Variants in ERC2 observed in about 807,000 individuals in gnomAD.
The protein encoded by ERC2 is ELKS/RAB6-interacting/CAST family member 2.
ERC2 carries 42 observed loss-of-function variants against 114.8 expected under a neutral mutation model. The ratio of observed to expected loss-of-function variants is 0.37; its 90% CI spans 0.29 to 0.47. The LOEUF (loss-of-function observed/expected upper bound fraction) is 0.47. Among genes scored for constraint, ERC2 ranks in the 20% least tolerant of loss-of-function variants. ERC2 has a pLI of 0.99. For synonymous variants in ERC2, 454 were observed against 425.5 expected (o/e 1.07, Z -0.82); for missense variants, 939 against 1,150.7 (o/e 0.82, Z 2.66).
intron 17 of ERC2, among the ~76,000 whole-genome samples, chr3:55,529,056 T>C (rs575317309): frequency 1.2e-4 from 19 of 152,282 alleles, no homozygotes; most frequent in Non-Finnish European, 2.8e-4. Flanking sequence ...ACCTTTGAAG[T>C]TGATAGGGTT....
rs1462949863 is a variant in ERC2 at position 56,018,875 on chromosome 3, T to C, written c.1779+19A>G. 1.6e-5 allele frequency: 26 copies of C among 1,604,996 alleles called. No individual in the cohort carries two copies. In the Admixed American group the frequency reaches 3.2e-4, roughly 20 times the overall value. On this transcript the variant is annotated intron_variant, in intron 8 of 17. Coordinates refer to ENST00000288221, the MANE Select transcript of ERC2 (RefSeq NM_015576.3). ...GTTTCCCCATATCCTGATTCCCCAG[T>C]TTTTGAGTGCATGCTCACCTTCTCT...
intron 13 of ERC2, among the ~76,000 whole-genome samples, chr3:55,905,419 A>C (rs1393149689): frequency 1.3e-5 from 2 of 151,282 alleles, no homozygotes; most frequent in Non-Finnish European, 2.9e-5. Flanking sequence ...AGTTTGGAGT[A>C]GTGGTGGTGG....
At chr3:56,285,855 T>A (rs1444192163) in intron 3 of ERC2, among the ~76,000 whole-genome samples, 2 of 152,166 alleles carry the variant, frequency 1.3e-5, no homozygotes, top group Non-Finnish European at 1.5e-5. Flanking sequence ...AACACAGGTA[T>A]TTAAAAAGAG....
intron 2 of ERC2, among the ~76,000 whole-genome samples, chr3:56,297,737 G>C (rs2055550699): frequency 6.6e-6 from 1 of 152,188 alleles, no homozygotes; most frequent in Non-Finnish European, 1.5e-5. Context: ...CCTGCCCACA[G>C]GGAACTCACA....
At chr3:56,173,354 A>G (rs2082785006) in intron 4 of ERC2, 92 bp downstream of exon 4, 2 of 1,254,828 alleles carry the variant, frequency 1.6e-6, no homozygotes, top group African/African-American at 2.9e-5. Flanking sequence ...AGAGAAAAAC[A>G]CAAGGTTCAT....
intron 17 of ERC2, among the ~76,000 whole-genome samples, chr3:55,565,757 G>T (rs189989394): frequency 1.3e-5 from 2 of 152,286 alleles, no homozygotes; most frequent in African/African-American, 4.8e-5. Context: ...TAAATCATTT[G>T]TCACTCAAAG....
intron 6 of ERC2, among the ~76,000 whole-genome samples, chr3:56,122,512 AAAATAAATC>A (rs1219225585): frequency 6.6e-6 from 1 of 152,172 alleles, no homozygotes; most frequent in African/African-American, 2.4e-5. Context: ...TTATGATTTA[AAAATAAATC>A]AAAGCCATCC....
intron 17 of ERC2, among the ~76,000 whole-genome samples, chr3:55,613,864 C>A (rs1264602980): frequency 2.6e-5 from 4 of 151,660 alleles, no homozygotes; most frequent in African/African-American, 4.8e-5. Flanking sequence ...GCAACGTAAT[C>A]CCAGCTACTT....
intron 14 of ERC2, among the ~76,000 whole-genome samples, chr3:55,762,545 A>T (rs530026535): frequency 5.3e-5 from 8 of 152,194 alleles, no homozygotes; most frequent in Admixed American, 2.6e-4. Context: ...TATTTTTTTT[A>T]AAAAGTAATA....
At chr3:55,569,429 T>C (rs893292131) in intron 17 of ERC2, among the ~76,000 whole-genome samples, 3 of 152,124 alleles carry the variant, frequency 2.0e-5, no homozygotes, top group African/African-American at 2.4e-5. Context: ...GGAAGAGGCA[T>C]GCGCTGCTCT....
chr3:56,068,606 T>C (rs1189093392), intron 7 of ERC2, among the ~76,000 whole-genome samples: 1 of 152,220 alleles, frequency 6.6e-6, no homozygotes, highest in Non-Finnish European at 1.5e-5. Flanking sequence ...TGGTTTGCTC[T>C]TGCTTCTCTA....
intron 12 of ERC2, among the ~76,000 whole-genome samples, chr3:55,957,155 T>C (rs1456871616): frequency 6.6e-6 from 1 of 152,092 alleles, no homozygotes; most frequent in Non-Finnish European, 1.5e-5. Flanking sequence ...GGAAAGACAA[T>C]TTTAGCCTCC....
At chr3:56,154,275 C>T (rs1038618128) in intron 4 of ERC2, among the ~76,000 whole-genome samples, 6 of 152,126 alleles carry the variant, frequency 3.9e-5, no homozygotes, top group East Asian at 1.9e-4. Context: ...ATCAAAAACT[C>T]GCCTTCTTGG....
At chr3:56,283,098 G>C (rs2150326019) in intron 3 of ERC2, among the ~76,000 whole-genome samples, 1 of 152,296 alleles carries the variant, frequency 6.6e-6, no homozygotes, top group South Asian at 2.1e-4. Flanking sequence ...TTGCTTAAGG[G>C]GCATCCCAAC....
intron 13 of ERC2, among the ~76,000 whole-genome samples, chr3:55,895,521 T>A (rs571348107): frequency 6.6e-6 from 1 of 152,308 alleles, no homozygotes; most frequent in East Asian, 1.9e-4. Context: ...CTAGCCTCAC[T>A]ACTTTCACCC....
At chr3:56,411,012 G>A (rs2060920990) in intron 2 of ERC2, among the ~76,000 whole-genome samples, 1 of 141,988 alleles carries the variant, frequency 7.0e-6, no homozygotes. Flanking sequence ...GTTGAATCAA[G>A]ACTATTGGGT....
intron 13 of ERC2, among the ~76,000 whole-genome samples, chr3:55,937,828 C>T (rs987028570): frequency 6.6e-6 from 1 of 152,078 alleles, no homozygotes; most frequent in Non-Finnish European, 1.5e-5. Flanking sequence ...TTCAGGGTGG[C>T]TTATGTTTGG....
chr3:56,424,978 T>C (rs1428197270), intron 2 of ERC2, among the ~76,000 whole-genome samples: 1 of 152,206 alleles, frequency 6.6e-6, no homozygotes, highest in Non-Finnish European at 1.5e-5. Context: ...GATTGACTTC[T>C]TAAGTTCTCA....
At chr3:56,213,047 A>G (rs1245349691) in intron 3 of ERC2, among the ~76,000 whole-genome samples, 1 of 152,150 alleles carries the variant, frequency 6.6e-6, no homozygotes, top group African/African-American at 2.4e-5. Flanking sequence ...GAGGGATGTG[A>G]AGGATAAAAG....
Sources: gnomAD v4.1 joint callset for allele counts (sites outside exome capture counted in the v4.1 genomes callset) on GRCh38, gnomAD v4.1.1 for gene constraint, MANE v1.5 for transcripts, NCBI Gene and HGNC (gene_info 2026-07-23, HGNC 2026-07-21) for gene names.